CNNM2: variants seen among roughly 807,000 people sequenced by gnomAD.
CNNM2 encodes metal transporter CNNM2.
Under a neutral mutation model 66.9 loss-of-function variants are expected in CNNM2, and 12 were observed. The ratio of observed to expected loss-of-function variants is 0.18; its 90% CI spans 0.11 to 0.29. CNNM2 has a LOEUF of 0.29. Among genes scored for constraint, CNNM2 ranks in the 10% least tolerant of loss-of-function variants. CNNM2 has a pLI of 1.00. For synonymous variants in CNNM2, 557 were observed against 501.8 expected, an observed-to-expected ratio of 1.11 and a Z score of -1.47; for missense variants, 705 against 1,167.7, an observed-to-expected ratio of 0.60 and a Z score of 5.77.
At chr10:103,035,523 C>G (rs902476551) in intron 1 of CNNM2, among the ~76,000 whole-genome samples, 1 of 152,092 alleles carries the variant, frequency 6.6e-6, no homozygotes, top group Non-Finnish European at 1.5e-5. Flanking sequence ...TTTAAATACT[C>G]AGAGAGAGAA....
chr10:102,988,028 G>T (rs1215977708), intron 1 of CNNM2, among the ~76,000 whole-genome samples: 1 of 152,198 alleles, frequency 6.6e-6, no homozygotes, highest in Non-Finnish European at 1.5e-5. Context: ...GCCGGGCATG[G>T]TGGCTCATGC....
At chr10:103,046,861 T>A (rs2065134605) in intron 1 of CNNM2, among the ~76,000 whole-genome samples, 1 of 152,216 alleles carries the variant, frequency 6.6e-6, no homozygotes, top group East Asian at 1.9e-4. Flanking sequence ...GGTATTCTCC[T>A]TTGATATTAC....
At position 103,077,377 on chromosome 10, in the gene CNNM2, TGGCAGCCGG is replaced by T; in HGVS notation, c.*202_*210del. 5.4e-6 allele frequency: 3 copies of T among 550,502 alleles called. No individual in the cohort carries two copies. The highest frequency in any genetic ancestry group is 9.6e-6 in the Non-Finnish European group (3 of 312,208). The allele number at this position is 550,502 out of a possible 1,614,324, so 34.1% of individuals were successfully genotyped here. On this transcript the variant is annotated 3_prime_UTR_variant, in exon 8 of 8. Transcript: ENST00000369878. ...GGAATGGAAACGAGAGATGTGAAGT[TGGCAGCCGG>T]GGCATGGCGTTCAAGATTTTGGAGA...
chr10:103,000,487 C>T (rs757192128), intron 1 of CNNM2, among the ~76,000 whole-genome samples: 15 of 151,896 alleles, frequency 9.9e-5, no homozygotes, highest in African/African-American at 2.2e-4. Context: ...ACGATCTCAC[C>T]GTGTCACTCA....
At chr10:103,059,322 C>T (rs951847050) in intron 4 of CNNM2, among the ~76,000 whole-genome samples, 1 of 152,202 alleles carries the variant, frequency 6.6e-6, no homozygotes, top group African/African-American at 2.4e-5. Flanking sequence ...ATAATATCTG[C>T]CTTCCCTTCC....
At chr10:103,019,846 A>T (rs1031426174) in intron 1 of CNNM2, among the ~76,000 whole-genome samples, 1 of 152,230 alleles carries the variant, frequency 6.6e-6, no homozygotes, top group East Asian at 1.9e-4. Context: ...TATTGATATG[A>T]AGAGACTTTC....
Position 103,008,186 on chromosome 10 carries a change from A to T in CNNM2, c.1622-41521A>T, listed in dbSNP as rs144592150. Among the ~76,000 whole-genome samples the T allele has an allele frequency of 6.4e-3, 972 of 152,038 alleles. 15 individuals carry two copies. Among genetic ancestry groups the T allele is most frequent in the African/African-American group, 0.022 (918 of 41,490 alleles). ...AGTTTCCATGTTTGATTCTAGAGAG[A>T]AACCTTTATTTATCTTAGCTTCAAA... On this transcript the variant is annotated intron_variant, in intron 1 of 7. Transcript: ENST00000369878.
Position 103,085,109 on chromosome 10 carries a change from T to G in CNNM2, c.*7929T>G, listed in dbSNP as rs2065791738. ...TCTCCCCTAGTGGATTACTGAGGAC[T>G]GAGGATGCACGTTTCTAAGGGAGAA... On this transcript the variant is annotated 3_prime_UTR_variant, in exon 8 of 8. Coordinates refer to ENST00000369878, the MANE Select transcript of CNNM2 (RefSeq NM_017649.5). 1 of 152,224 alleles carries G rather than the reference T, an allele frequency of 6.6e-6. No individual in the cohort carries two copies. The highest frequency in any genetic ancestry group is 1.5e-5 in the Non-Finnish European group (1 of 68,074). 9.4% of individuals were successfully genotyped at this position (152,224 alleles called of 1,614,324 possible). A position where few individuals can be genotyped will look rare whatever the true frequency, so the allele number is the denominator to read the frequency against.
chr10:102,979,473 C>A (rs999802541), intron 1 of CNNM2, among the ~76,000 whole-genome samples: 6 of 152,210 alleles, frequency 3.9e-5, no homozygotes, highest in Admixed American at 3.9e-4. Flanking sequence ...TCACAGGTCA[C>A]TAACATATGT....
At chr10:102,944,233 C>T (rs1230544235) in intron 1 of CNNM2, among the ~76,000 whole-genome samples, 1 of 151,950 alleles carries the variant, frequency 6.6e-6, no homozygotes, top group African/African-American at 2.4e-5. Flanking sequence ...CACCCACCAC[C>T]ACGCCCAGCT....
chr10:103,076,717 T>A (rs1462421809), intron 7 of CNNM2, among the ~76,000 whole-genome samples: 1 of 152,198 alleles, frequency 6.6e-6, no homozygotes, highest in African/African-American at 2.4e-5. Flanking sequence ...CAAGCCAGCT[T>A]TAGCTGGGAG....
At chr10:102,989,193 A>G (rs936525173) in intron 1 of CNNM2, among the ~76,000 whole-genome samples, 5 of 152,190 alleles carry the variant, frequency 3.3e-5, no homozygotes, top group Admixed American at 1.3e-4. Context: ...TACTGTTGCA[A>G]AAACCCTGGC....
At chr10:103,049,551 ATTTG>A (rs2134329330) in intron 1 of CNNM2, among the ~76,000 whole-genome samples, 152 bp from the exon 2 acceptor site, 2 of 152,266 alleles carry the variant, frequency 1.3e-5, no homozygotes, top group African/African-American at 4.8e-5. Context: ...AAGTTCTTCC[ATTTG>A]TTTGTGATGT....
At chr10:103,029,300 TAAA>T (rs756251100) in intron 1 of CNNM2, among the ~76,000 whole-genome samples, 3 of 122,310 alleles carry the variant, frequency 2.5e-5, no homozygotes. Context: ...CATCTCTACT[TAAA>T]AAAAAAAAAA....
chr10:102,920,883 C>A (rs373351010), intron 1 of CNNM2: 3 of 154,384 alleles, frequency 1.9e-5, no homozygotes, highest in African/African-American at 7.2e-5. Context: ...ACAACAGTTA[C>A]AGTTGCCCAA....
rs1295268131 is a variant in CNNM2, at chr10:103,085,219, G to A, written c.*8039G>A. On this transcript the variant is annotated 3_prime_UTR_variant, in exon 8 of 8. Coordinates refer to ENST00000369878, the MANE Select transcript of CNNM2 (RefSeq NM_017649.5). ...CAAACAGGAGGCCAACACATGATAG[G>A]AAATTTTAGATGGGGCCAGTTTTCC... 1 of 152,180 alleles carries A rather than the reference G, an allele frequency of 6.6e-6. No homozygotes were observed. The highest frequency in any genetic ancestry group is 1.5e-5 in the Non-Finnish European group (1 of 68,032). The allele number at this position is 152,180 out of a possible 1,614,324, so 9.4% of individuals were successfully genotyped here.
chr10:102,968,328 C>T lies in CNNM2; in HGVS notation c.1621+48227C>T, dbSNP rs533263257. ...ATGGCGCAATCTCGGCTGACTGTAA[C>T]CTCTGCCTCCTGGGTTCAAGTGATT... is the stretch of plus-strand genomic sequence containing the variant. On this transcript the variant is annotated intron_variant, in intron 1 of 7. Coordinates refer to ENST00000369878, the MANE Select transcript of CNNM2 (RefSeq NM_017649.5). Among the ~76,000 whole-genome samples, 7 of 152,194 alleles carry T rather than the reference C, an allele frequency of 4.6e-5. No homozygotes were observed. The South Asian group carries it at 1.5e-3, about 32-fold the overall frequency.
At chr10:102,925,261 A>G (rs1325376254) in intron 1 of CNNM2, among the ~76,000 whole-genome samples, 3 of 134,014 alleles carry the variant, frequency 2.2e-5, no homozygotes. Context: ...GCACCATTGC[A>G]TTCCAGCCTG....
At chr10:103,076,881 T>C in intron 7 of CNNM2, 90 bp from the exon 8 acceptor site, 3 of 1,163,086 alleles carry the variant, frequency 2.6e-6, no homozygotes, top group Non-Finnish European at 3.8e-6. Context: ...GAGGCTGCTG[T>C]GGGCCTGTCG....
Sources: gnomAD v4.1 joint callset for allele counts (sites outside exome capture counted in the v4.1 genomes callset) on GRCh38, gnomAD v4.1.1 for gene constraint, MANE v1.5 for transcripts, NCBI Gene and HGNC (gene_info 2026-07-23, HGNC 2026-07-21) for gene names.